Variants in MORF4L1 observed in about 807,000 individuals in gnomAD.
MORF4L1 encodes mortality factor 4-like protein 1.
In MORF4L1, 4 loss-of-function variants were observed where a neutral mutation model predicts 52.9. That is an observed-to-expected ratio of 0.08 (90% CI 0.04 to 0.17). The LOEUF is 0.17. Among genes scored for constraint, MORF4L1 ranks in the 10% least tolerant of loss-of-function variants. The pLI is 1.00. For missense variants in MORF4L1, 214 were observed against 390.4 expected, an observed-to-expected ratio of 0.55 and a Z score of 3.81; for synonymous variants, 123 against 134.8, an observed-to-expected ratio of 0.91 and a Z score of 0.61.
At position 78,872,930 on chromosome 15, in the gene MORF4L1, G is replaced by A; in HGVS notation, c.-88G>A. ...TGTAGAGCTGGCAGTGCCTGACGGC[G>A]CGTCTGACGCGGAGTTGGGTGGGGT... On this transcript the variant is annotated 5_prime_UTR_variant, in exon 1 of 12. Coordinates refer to ENST00000426013, the MANE Select transcript of MORF4L1 (RefSeq NM_006791.4). The A allele has an allele frequency of 2.0e-6, 3 of 1,510,016 alleles. No homozygotes were observed. The South Asian group carries it at 3.7e-5, about 19-fold the overall frequency. 93.5% of individuals were successfully genotyped at this position (1,510,016 alleles called of 1,614,324 possible). A position where few individuals can be genotyped will look rare whatever the true frequency, so the allele number is the denominator to read the frequency against.
intron 3 of MORF4L1, among the ~76,000 whole-genome samples, chr15:78,881,199 T>TGC (rs2141463929): frequency 7.2e-6 from 1 of 139,328 alleles, no homozygotes; most frequent in African/African-American, 2.7e-5. Context: ...CTTTTTTTTT[T>TGC]TTTTTTTTTG....
intron 3 of MORF4L1, among the ~76,000 whole-genome samples, chr15:78,881,038 T>C (rs537101239): frequency 6.6e-6 from 1 of 152,134 alleles, no homozygotes; most frequent in South Asian, 2.1e-4. Flanking sequence ...GATTGGGAAA[T>C]AAAGACAGAA....
intron 1 of MORF4L1, among the ~76,000 whole-genome samples, chr15:78,873,534 A>G (rs1001600066): frequency 1.3e-5 from 2 of 151,570 alleles, no homozygotes; most frequent in Non-Finnish European, 2.9e-5. Context: ...TTCGGTGGCA[A>G]CTCAGCTGCG....
In MORF4L1 at chr15:78,873,095, G is replaced by A. The variant is rs113621623; in HGVS notation, c.40+38G>A. 777 of 1,550,284 alleles carry A rather than the reference G, an allele frequency of 5.0e-4. 4 individuals are homozygous for A. The African/African-American group carries it at 9.0e-3, about 18-fold the overall frequency. On this transcript the variant is annotated intron_variant, in intron 1 of 11. Coordinates refer to ENST00000426013, the MANE Select transcript of MORF4L1 (RefSeq NM_006791.4). Reference sequence around the variant, plus strand: ...CTTTGGGAAAAAGGCACCTAACGGCGCAGGAGATAGAGGCGGGCTCGAGGT... The same window carrying A: ...CTTTGGGAAAAAGGCACCTAACGGCACAGGAGATAGAGGCGGGCTCGAGGT...
At chr15:78,894,588 C>A in intron 10 of MORF4L1, 1 of 479,898 alleles carries the variant, frequency 2.1e-6, no homozygotes, top group South Asian at 2.6e-5. Flanking sequence ...TTTGTATTTT[C>A]TGTAGAGATG....
At chr15:78,873,474 G>A (rs2056411424) in intron 1 of MORF4L1, among the ~76,000 whole-genome samples, 1 of 152,146 alleles carries the variant, frequency 6.6e-6, no homozygotes, top group African/African-American at 2.4e-5. Context: ...GGCCGCTTGG[G>A]CAGCTACGAC....
chr15:78,884,917 A>C (rs878877734), intron 3 of MORF4L1: 1 of 1,360,650 alleles, frequency 7.3e-7, no homozygotes, highest in African/African-American at 1.5e-5. Flanking sequence ...CTGAGGCTCA[A>C]TTCTGCACCT....
chr15:78,872,967 G>A lies in MORF4L1; in HGVS notation c.-51G>A. The A allele has an allele frequency of 6.5e-7, 1 of 1,546,632 alleles. No homozygotes were observed. The highest frequency in any genetic ancestry group is 8.7e-7 in the Non-Finnish European group (1 of 1,145,652). On this transcript the variant is annotated 5_prime_UTR_variant, in exon 1 of 12. Transcript: ENST00000426013. Reference sequence around the variant, plus strand: ...GAGTTGGGTGGGGTAGAGAGTAGGGGGCGGTAGTCGGGGGTGGTGGGAGAA... The same window carrying A: ...GAGTTGGGTGGGGTAGAGAGTAGGGAGCGGTAGTCGGGGGTGGTGGGAGAA...
chr15:78,875,585 C>T (rs1224510146), intron 1 of MORF4L1, among the ~76,000 whole-genome samples: 2 of 150,420 alleles, frequency 1.3e-5, no homozygotes, highest in African/African-American at 4.9e-5. Flanking sequence ...CGAGACCAGC[C>T]TGGTCAGCCT....
intron 11 of MORF4L1, among the ~76,000 whole-genome samples, chr15:78,895,360 T>A (rs1277307992): frequency 6.6e-6 from 1 of 152,118 alleles, no homozygotes; most frequent in East Asian, 1.9e-4. Flanking sequence ...GACAGGAAAT[T>A]TACATCAATG....
intron 3 of MORF4L1, 42 bp from the exon 4 acceptor site, chr15:78,886,099 C>G (rs1567309402): frequency 6.8e-7 from 1 of 1,466,646 alleles, no homozygotes; most frequent in Admixed American, 1.7e-5. Context: ...AGTTGGAGAA[C>G]AGAGTATTTT....
At position 78,885,544 on chromosome 15, in the gene MORF4L1, C is replaced by G. The variant is rs7176904; in HGVS notation, c.156-597C>G. Among the ~76,000 whole-genome samples the G allele has an allele frequency of 6.6e-3, 999 of 152,248 alleles. 14 individuals carry two copies. Among genetic ancestry groups the G allele is most frequent in the African/African-American group, 0.023 (963 of 41,532 alleles). ...AGAATGGTGTCAAATCATTTTAATA[C>G]TTTACAAACTTAAGTTAGTCTAGTT... On this transcript the variant is annotated intron_variant, in intron 3 of 11. Transcript: ENST00000426013.
intron 3 of MORF4L1, among the ~76,000 whole-genome samples, chr15:78,881,893 G>C (rs1022212383): frequency 8.5e-5 from 13 of 152,122 alleles, no homozygotes; most frequent in Admixed American, 7.2e-4. Context: ...TGAGTATTCT[G>C]TTACTATGGA....
intron 1 of MORF4L1, among the ~76,000 whole-genome samples, chr15:78,876,789 G>T (rs1209950641): frequency 2.0e-5 from 3 of 152,154 alleles, no homozygotes; most frequent in African/African-American, 7.2e-5. Context: ...AGGTCCAGCA[G>T]CCTCTAGCAG....
intron 7 of MORF4L1, 105 bp from the exon 8 acceptor site, chr15:78,892,107 C>G (rs2056811415): frequency 3.1e-6 from 2 of 649,138 alleles, no homozygotes; most frequent in East Asian, 5.8e-5. Flanking sequence ...GTATGCTTGG[C>G]TACTTTAAGA....
intron 4 of MORF4L1, 104 bp from the exon 5 acceptor site, chr15:78,887,165 T>A: frequency 1.1e-6 from 1 of 941,138 alleles, no homozygotes; most frequent in East Asian, 2.5e-5. Flanking sequence ...GTTAAAAACT[T>A]GTTGCCAGAA....
Position 78,883,841 on chromosome 15 carries a change from AT to A in MORF4L1, c.156-2297del, listed in dbSNP as rs559749232. Among the ~76,000 whole-genome samples, 345 of 152,288 alleles carry A rather than the reference AT, an allele frequency of 2.3e-3. 2 individuals carry two copies. The highest frequency in any genetic ancestry group is 8.0e-3 in the African/African-American group (332 of 41,568). On this transcript the variant is annotated intron_variant, in intron 3 of 11. Coordinates refer to ENST00000426013, the MANE Select transcript of MORF4L1 (RefSeq NM_006791.4). ...TATTCAGATACCTAGTGTGTTGTGT[AT>A]TTAGTCTATGTAAGTACTGCCCATG...
chr15:78,873,660 A>C (rs1233022955), intron 1 of MORF4L1: 1 of 155,792 alleles, frequency 6.4e-6, no homozygotes, highest in Non-Finnish European at 1.4e-5. Context: ...GGCACAGCTT[A>C]CGGGCAGATG....
At chr15:78,873,084 C>T (rs1315099005) in intron 1 of MORF4L1, 27 bp downstream of exon 1, 3 of 1,550,204 alleles carry the variant, frequency 1.9e-6, no homozygotes, top group East Asian at 2.4e-5. Flanking sequence ...GGGAAAAAGG[C>T]ACCTAACGGC....
Sources: gnomAD v4.1 joint callset for allele counts (sites outside exome capture counted in the v4.1 genomes callset) on GRCh38, gnomAD v4.1.1 for gene constraint, MANE v1.5 for transcripts, NCBI Gene and HGNC (gene_info 2026-07-23, HGNC 2026-07-21) for gene names.